CEP350: variants seen among roughly 807,000 people sequenced by gnomAD.
CEP350 encodes the protein centrosome-associated protein 350.
CEP350 carries 126 observed loss-of-function variants against 331.8 expected under a neutral mutation model. That is an observed-to-expected ratio of 0.38 (90% CI 0.33 to 0.44). CEP350 has a LOEUF of 0.44. Ranked by LOEUF, CEP350 falls within the 20% of genes least tolerant of loss-of-function variation. The pLI, the probability that CEP350 is intolerant of heterozygous loss-of-function variation, is 1.00. For synonymous variants in CEP350, 1,200 were observed against 1,259.5 expected, an observed-to-expected ratio of 0.95 and a Z score of 1.00; for missense variants, 3,406 against 3,634.6, an observed-to-expected ratio of 0.94 and a Z score of 1.62.
intron 32 of CEP350, among the ~76,000 whole-genome samples, chr1:180,090,342 C>G (rs1328685884): frequency 1.3e-5 from 2 of 151,052 alleles, no homozygotes; most frequent in East Asian, 1.9e-4. Flanking sequence ...ATCAGGAGAT[C>G]GAGACCATCC....
chr1:180,033,821 C>T, intron 15 of CEP350, 41 bp from the exon 16 acceptor site: 1 of 1,583,486 alleles, frequency 6.3e-7, no homozygotes, highest in Admixed American at 1.7e-5. Context: ...TTACAAAGTA[C>T]TTTTCCTTCC....
At chr1:180,010,515 A>T (rs182416019) in intron 8 of CEP350, among the ~76,000 whole-genome samples, 21 of 151,602 alleles carry the variant, frequency 1.4e-4, no homozygotes, top group African/African-American at 4.6e-4. Context: ...TAATGTAAAA[A>T]TGTTACAATA....
chr1:179,984,304 A>T lies in CEP350; in HGVS notation c.-13-1865A>T, dbSNP rs1387976332. On this transcript the variant is annotated intron_variant, in intron 1 of 37. Transcript: ENST00000367607. ...ATCTCACATTTTCTGTATGTAAGGA[A>T]TTTGGGAGCAGCTCATCTGGGTGAT... 6.6e-5 allele frequency among the ~76,000 whole-genome samples: 10 copies of T among 152,316 alleles called. No individual in the cohort carries two copies. In the East Asian group the frequency reaches 1.5e-3, roughly 24 times the overall value.
At position 180,011,919 on chromosome 1, in the gene CEP350, A is replaced by G. The variant is rs61371401; in HGVS notation, c.1247-10A>G. ...TTAAGTTTTAATTTCAGTGCCATGT[A>G]TTTTTTTAGGTAGTAGTCATCTTAT... On this transcript the variant is annotated splice_polypyrimidine_tract_variant and intron_variant, in intron 8 of 37. Coordinates refer to ENST00000367607, the MANE Select transcript of CEP350 (RefSeq NM_014810.5). 2.2e-3 allele frequency: 3,483 copies of G among 1,572,180 alleles called. 69 individuals carry two copies. The African/African-American group carries it at 0.042, about 19-fold the overall frequency.
chr1:180,015,923 T>G lies in CEP350; in HGVS notation c.2127T>G (p.Ser709=), dbSNP rs1311004372. Residue 709 remains serine (S), a synonymous_variant, in exon 11 of 38, where the codon TCT becomes TCG. Coordinates refer to ENST00000367607, the MANE Select transcript of CEP350 (RefSeq NM_014810.5). ...TACAGGAACGTCCCCCAAGTGCATC[T>G]TCCAGTAGTGACATGTCTCTCTCAG... ...NKVQERPPSA[S]SSSDMSLSEP... is the part of the protein sequence containing the mutation. 1 of 1,613,912 alleles carries G rather than the reference T, an allele frequency of 6.2e-7. No homozygotes were observed. Among genetic ancestry groups the G allele is most frequent in the Non-Finnish European group, 8.5e-7 (1 of 1,179,826 alleles).
chr1:180,040,622 G>A (rs1253264133), intron 17 of CEP350, among the ~76,000 whole-genome samples: 1 of 148,818 alleles, frequency 6.7e-6, no homozygotes, highest in African/African-American at 2.5e-5. Context: ...TTATTTAGCA[G>A]TATTTCAAAG....
chr1:180,108,802 C>T (rs920148209), intron 37 of CEP350, among the ~76,000 whole-genome samples: 3 of 152,206 alleles, frequency 2.0e-5, no homozygotes, highest in Non-Finnish European at 4.4e-5. Flanking sequence ...GCTTCTGTCT[C>T]ATAGGCTTAA....
intron 3 of CEP350, among the ~76,000 whole-genome samples, chr1:179,987,669 G>A (rs1183919825): frequency 2.0e-5 from 3 of 151,932 alleles, no homozygotes; most frequent in Non-Finnish European, 2.9e-5. Flanking sequence ...GCTTACTCCT[G>A]TAATCCTAGC....
In CEP350 at chr1:179,967,554, G is replaced by T. The variant is rs74328272; in HGVS notation, c.-14+12412G>T. Among the ~76,000 whole-genome samples, 599 of 152,202 alleles carry T rather than the reference G, an allele frequency of 3.9e-3. 7 individuals are homozygous for T. The highest frequency in any genetic ancestry group is 0.014 in the African/African-American group (564 of 41,506). On this transcript the variant is annotated intron_variant, in intron 1 of 37. Coordinates refer to ENST00000367607, the MANE Select transcript of CEP350 (RefSeq NM_014810.5). ...AGCCTCCCAAGTAGCTGGGATTACAGACATGCACCACCACGTCCAGCCAAT... is the reference window on the plus strand; with the variant it reads ...AGCCTCCCAAGTAGCTGGGATTACATACATGCACCACCACGTCCAGCCAAT...
At chr1:180,012,655 C>T (rs1654734636) in intron 9 of CEP350, among the ~76,000 whole-genome samples, 1 of 152,152 alleles carries the variant, frequency 6.6e-6, no homozygotes, top group South Asian at 2.1e-4. Context: ...TATAAATACT[C>T]ATATGCCAGT....
chr1:179,968,790 C>G (rs554089848), intron 1 of CEP350: 1 of 680,462 alleles, frequency 1.5e-6, no homozygotes, highest in African/African-American at 1.8e-5. Context: ...GCATCTACAT[C>G]ATAAATCTGA....
chr1:179,959,973 G>A (rs184646943), intron 1 of CEP350, among the ~76,000 whole-genome samples: 121 of 152,210 alleles, frequency 7.9e-4, no homozygotes, highest in Admixed American at 4.5e-3. Flanking sequence ...TAAGTACTTG[G>A]AAACTGCAAC....
chr1:180,013,928 G>A lies in CEP350; in HGVS notation c.1475G>A (p.Arg492Lys). ...RHLQRNSERS[R>K]SKSRSENNIK... is the part of the protein sequence containing the mutation. ...CTTCAAAGAAACTCAGAACGTTCGA[G>A]AAGTAAATCTCGGTCTGAAAATAAT... is the stretch of plus-strand genomic sequence containing the variant. Residue 492 changes from arginine to lysine, a missense_variant, in exon 10 of 38, where the codon AGA (arginine) becomes AAA (lysine). Arg to Lys is a conservative substitution (Grantham distance 26). Around this residue, in one of 5 missense-constraint regions of CEP350, gnomAD observed 1,857 missense variants for 1,909.2 expected, o/e 0.97. Transcript: ENST00000367607. 1.9e-6 allele frequency: 3 copies of A among 1,613,816 alleles called. No homozygotes were observed. The highest frequency in any genetic ancestry group is 1.7e-6 in the Non-Finnish European group (2 of 1,179,798).
At chr1:180,043,682 C>T (rs1656916025) in intron 20 of CEP350, among the ~76,000 whole-genome samples, 1 of 151,994 alleles carries the variant, frequency 6.6e-6, no homozygotes. Context: ...GGTATAGGAC[C>T]TTGCAGACTT....
At chr1:179,968,864 A>T (rs73040001) in intron 1 of CEP350, 96,659 of 740,370 alleles carry the variant, frequency 0.13, 6,998 homozygotes, top group Middle Eastern at 0.15. Flanking sequence ...AACCCCGCTG[A>T]TGTCAGTGTC....
intron 25 of CEP350, among the ~76,000 whole-genome samples, chr1:180,057,826 T>G (rs1216144870): frequency 6.6e-6 from 1 of 152,354 alleles, no homozygotes; most frequent in East Asian, 1.9e-4. Context: ...AGGGATTCAC[T>G]GGAAACCCAG....
At position 180,041,208 on chromosome 1, in the gene CEP350, G is replaced by A; in HGVS notation, c.4181G>A (p.Ser1394Asn). 1.3e-6 allele frequency: 2 copies of A among 1,597,018 alleles called. No homozygotes were observed. The highest frequency in any genetic ancestry group is 2.3e-5 in the South Asian group (2 of 87,530). ...KLKAEQEALE[S>N]QRQLEETRNK... is the part of the protein sequence containing the mutation. ...AAGGCTGAACAAGAGGCTCTGGAGA[G>A]TCAGAGACAATTAGAAGAAACCCGA... The change falls in exon 18 of 38, where the codon AGT (serine) becomes AAT (asparagine). Residue 1394 changes from serine (S) to asparagine (N), a missense_variant. Ser to Asn is a conservative substitution (Grantham distance 46, BLOSUM62 1). Transcript: ENST00000367607.
intron 25 of CEP350, among the ~76,000 whole-genome samples, chr1:180,058,248 T>G (rs1657978320): frequency 6.6e-6 from 1 of 152,228 alleles, no homozygotes; most frequent in Admixed American, 6.5e-5. Flanking sequence ...ACTGAATGTG[T>G]TAGATATCAA....
intron 37 of CEP350, among the ~76,000 whole-genome samples, chr1:180,103,056 GATTTT>G (rs747642431): frequency 5.9e-5 from 9 of 152,334 alleles, no homozygotes; most frequent in Non-Finnish European, 1.3e-4. Context: ...GACCGCAGCA[GATTTT>G]ATAGGCAGGC....
Sources: gnomAD v4.1 joint callset for allele counts (sites outside exome capture counted in the v4.1 genomes callset) on GRCh38, gnomAD v4.1.1 for gene constraint, gnomAD v4.1.1 regional missense constraint, MANE v1.5 for transcripts, NCBI Gene and HGNC (gene_info 2026-07-23, HGNC 2026-07-21) for gene names.